The following FHIT variants were observed in gnomAD, a reference collection of about 807,000 sequenced individuals.
FHIT encodes the protein bis(5'-adenosyl)-triphosphatase.
Under a neutral mutation model 17.9 loss-of-function variants are expected in FHIT, and 19 were observed. That is an observed-to-expected ratio of 1.06 (90% CI 0.74 to 1.56). FHIT has a LOEUF of 1.56. Ranked by LOEUF, FHIT falls within the 40% of genes most tolerant of loss-of-function variation. The pLI is 0.00. For missense variants in FHIT, 248 were observed against 189.2 expected (o/e 1.31, Z -1.82); for synonymous variants, 81 against 69.7 (o/e 1.16, Z -0.81).
intron 7 of FHIT, among the ~76,000 whole-genome samples, chr3:59,952,827 G>C (rs928897951): frequency 6.6e-6 from 1 of 152,118 alleles, no homozygotes; most frequent in Admixed American, 6.5e-5. Flanking sequence ...TTATCCATTA[G>C]GGTCACACTC....
intron 5 of FHIT, among the ~76,000 whole-genome samples, chr3:60,515,877 G>C (rs2035135374): frequency 6.6e-6 from 1 of 152,212 alleles, no homozygotes. Flanking sequence ...AGACAACTGA[G>C]CTTGGATTCA....
At chr3:59,778,227 AGATTGAAGACAGATGATAAAGCT>A (rs1183445644) in intron 8 of FHIT, among the ~76,000 whole-genome samples, 2 of 152,244 alleles carry the variant, frequency 1.3e-5, no homozygotes, top group Non-Finnish European at 2.9e-5. Flanking sequence ...GGAGGAGGTA[AGATTGAAGACAGATGATAAAGCT>A]GGGACTTCAA....
intron 8 of FHIT, among the ~76,000 whole-genome samples, chr3:59,822,892 G>A (rs1165005301): frequency 6.6e-6 from 1 of 152,086 alleles, no homozygotes; most frequent in Non-Finnish European, 1.5e-5. Flanking sequence ...GTCTAGAAGG[G>A]TTTTTTCTGA....
At chr3:60,547,375 C>A (rs1421607403) in intron 4 of FHIT, among the ~76,000 whole-genome samples, 1 of 152,086 alleles carries the variant, frequency 6.6e-6, no homozygotes, top group African/African-American at 2.4e-5. Context: ...GAAGGAAATA[C>A]AAGGAACTTG....
At chr3:60,491,677 G>A (rs1289006405) in intron 5 of FHIT, among the ~76,000 whole-genome samples, 1 of 152,088 alleles carries the variant, frequency 6.6e-6, no homozygotes, top group African/African-American at 2.4e-5. Context: ...CTTTCGTTCT[G>A]TATGATATTT....
At chr3:60,598,800 G>T (rs1004779833) in intron 4 of FHIT, among the ~76,000 whole-genome samples, 2 of 152,116 alleles carry the variant, frequency 1.3e-5, no homozygotes, top group Admixed American at 1.3e-4. Context: ...TGTAGACAGT[G>T]ACATTCCCTT....
intron 2 of FHIT, among the ~76,000 whole-genome samples, chr3:61,119,275 C>A (rs1240448836): frequency 6.6e-6 from 1 of 151,760 alleles, no homozygotes; most frequent in Non-Finnish European, 1.5e-5. Context: ...CTGGAGTGCA[C>A]TGGTGTGATC....
At chr3:60,642,593 A>T (rs2107793363) in intron 4 of FHIT, among the ~76,000 whole-genome samples, 1 of 152,346 alleles carries the variant, frequency 6.6e-6, no homozygotes, top group South Asian at 2.1e-4. Context: ...AAATGCACAA[A>T]AAAGGGGAGA....
At chr3:60,468,261 A>T (rs553247602) in intron 5 of FHIT, among the ~76,000 whole-genome samples, 1 of 152,174 alleles carries the variant, frequency 6.6e-6, no homozygotes, top group South Asian at 2.1e-4. Flanking sequence ...GCCACTCTAC[A>T]TCTTTCGATT....
intron 4 of FHIT, among the ~76,000 whole-genome samples, chr3:60,559,929 T>A (rs569049018): frequency 6.6e-6 from 1 of 152,262 alleles, no homozygotes; most frequent in East Asian, 1.9e-4. Flanking sequence ...TGAGGTCTTT[T>A]CTTTACTTTT....
chr3:61,098,438 T>A (rs1179276488), intron 2 of FHIT, among the ~76,000 whole-genome samples: 1 of 152,186 alleles, frequency 6.6e-6, no homozygotes, highest in Non-Finnish European at 1.5e-5. Context: ...TGGGCTCTTT[T>A]CTGCTTCCAT....
intron 5 of FHIT, among the ~76,000 whole-genome samples, chr3:60,528,234 A>G (rs1451268131): frequency 6.6e-6 from 1 of 151,894 alleles, no homozygotes; most frequent in Admixed American, 6.6e-5. Flanking sequence ...GCCTCCCAAA[A>G]CTCTGGGATT....
At chr3:59,938,390 C>T (rs757971186) in intron 7 of FHIT, among the ~76,000 whole-genome samples, 1 of 151,858 alleles carries the variant, frequency 6.6e-6, no homozygotes, top group Admixed American at 6.6e-5. Flanking sequence ...TATCAGACTG[C>T]GGTGGAGGTT....
chr3:60,441,383 G>C (rs963909517), intron 5 of FHIT, among the ~76,000 whole-genome samples: 1 of 151,902 alleles, frequency 6.6e-6, no homozygotes, highest in South Asian at 2.1e-4. Flanking sequence ...GGGAAAAAGA[G>C]GTGTCTCCAC....
At chr3:60,153,411 C>T (rs1039792285) in intron 5 of FHIT, among the ~76,000 whole-genome samples, 52 of 149,346 alleles carry the variant, frequency 3.5e-4, no homozygotes, top group Non-Finnish European at 6.1e-4. Flanking sequence ...GAAAGAGGTG[C>T]TACACTCAGC....
intron 5 of FHIT, among the ~76,000 whole-genome samples, chr3:60,053,723 A>C (rs1701975301): frequency 6.6e-6 from 1 of 151,902 alleles, no homozygotes; most frequent in African/African-American, 2.4e-5. Context: ...AGTCATACCT[A>C]AGGCACTTTG....
intron 4 of FHIT, among the ~76,000 whole-genome samples, chr3:60,691,125 G>A (rs1199474068): frequency 2.0e-5 from 3 of 148,672 alleles, no homozygotes; most frequent in Admixed American, 6.6e-5. Context: ...TTGTTTTTTG[G>A]TATCGGGTTT....
chr3:59,825,863 T>G (rs747922396), intron 8 of FHIT, among the ~76,000 whole-genome samples: 4 of 152,200 alleles, frequency 2.6e-5, no homozygotes, highest in Non-Finnish European at 5.9e-5. Flanking sequence ...ACAGGAAATG[T>G]TGATATTCTT....
rs1365114517 is a variant in FHIT at position 60,105,187 on chromosome 3, G to C, written c.104-91035C>G. Among the ~76,000 whole-genome samples, 9 of 152,194 alleles carry C rather than the reference G, an allele frequency of 5.9e-5. No homozygotes were observed. In the East Asian group the frequency reaches 1.7e-3, roughly 29 times the overall value. ...TCCAGGATACGGCTTCACTTAACAA[G>C]GACTTTGTTTCTTTCAAGTACCAGG... On this transcript the variant is annotated intron_variant, in intron 5 of 9. Coordinates refer to ENST00000492590, the MANE Select transcript of FHIT (RefSeq NM_002012.4).
Sources: allele counts gnomAD v4.1 joint callset (sites outside exome capture counted in the v4.1 genomes callset), GRCh38; gene constraint gnomAD v4.1.1; transcripts MANE v1.5; gene names NCBI Gene and HGNC (gene_info 2026-07-23, HGNC 2026-07-21).